The following DLG2 variants were observed in gnomAD, a reference collection of about 807,000 sequenced individuals.
The protein encoded by DLG2 is discs large MAGUK scaffold protein 2, also known as disks large homolog 2.
In DLG2, 45 loss-of-function variants were observed where a neutral mutation model predicts 132.5. That is an observed-to-expected ratio of 0.34 (90% CI 0.27 to 0.44). The LOEUF is 0.44. Ranked by LOEUF, DLG2 falls within the 20% of genes least tolerant of loss-of-function variation. DLG2 has a pLI of 1.00. For missense variants in DLG2, 1,045 were observed against 1,196.9 expected, an observed-to-expected ratio of 0.87 and a Z score of 1.87; for synonymous variants, 424 against 419.6, an observed-to-expected ratio of 1.01 and a Z score of -0.13.
intron 14 of DLG2, among the ~76,000 whole-genome samples, chr11:83,937,205 A>G (rs1209677155): frequency 6.6e-6 from 1 of 152,146 alleles, no homozygotes; most frequent in Non-Finnish European, 1.5e-5. Flanking sequence ...GAGAGATTTG[A>G]CTACATAAAA....
At chr11:83,998,947 G>A (rs1406148110) in intron 11 of DLG2, among the ~76,000 whole-genome samples, 4 of 152,196 alleles carry the variant, frequency 2.6e-5, no homozygotes, top group Non-Finnish European at 5.9e-5. Flanking sequence ...AGCTATTGGG[G>A]ACTGAAGCAT....
intron 6 of DLG2, among the ~76,000 whole-genome samples, chr11:84,750,198 C>T (rs551230744): frequency 7.2e-5 from 11 of 151,986 alleles, no homozygotes; most frequent in African/African-American, 2.2e-4. Context: ...TACATGTGCA[C>T]GATATTCAGG....
intron 15 of DLG2, among the ~76,000 whole-genome samples, chr11:83,921,851 CTT>C (rs34008073): frequency 1.3e-5 from 2 of 151,792 alleles, no homozygotes; most frequent in African/African-American, 4.8e-5. Flanking sequence ...TCACTTTTAA[CTT>C]TTTTTTAAAA....
intron 7 of DLG2, among the ~76,000 whole-genome samples, chr11:84,502,160 T>TCC (rs151187364): frequency 6.5e-4 from 27 of 41,260 alleles, no homozygotes; most frequent in African/African-American, 5.4e-3. Flanking sequence ...CTTCCTTCCT[T>TCC]TCTCTCTCTC....
intron 6 of DLG2, among the ~76,000 whole-genome samples, chr11:84,941,000 A>G (rs1305316768): frequency 1.3e-5 from 2 of 152,056 alleles, no homozygotes; most frequent in Non-Finnish European, 2.9e-5. Context: ...TCCCCAATGT[A>G]TGTTCTTGGT....
intron 15 of DLG2, 122 bp from the exon 16 acceptor site, chr11:83,874,610 A>G: frequency 1.7e-6 from 1 of 584,004 alleles, no homozygotes; most frequent in East Asian, 3.3e-5. Flanking sequence ...ATATGTATAC[A>G]TGTGCCATGT....
chr11:84,963,429 A>G (rs527659507), intron 6 of DLG2, among the ~76,000 whole-genome samples: 9 of 149,918 alleles, frequency 6.0e-5, no homozygotes, highest in African/African-American at 2.2e-4. Context: ...CCATTTGCCC[A>G]CTCTATAGAC....
chr11:83,539,557 T>C (rs1219024812), intron 20 of DLG2, among the ~76,000 whole-genome samples: 2 of 151,962 alleles, frequency 1.3e-5, no homozygotes, highest in Non-Finnish European at 1.5e-5. Flanking sequence ...CTTTTACAAA[T>C]ACTTAAAGGA....
intron 3 of DLG2, among the ~76,000 whole-genome samples, chr11:85,347,587 G>C (rs1036055058): frequency 6.6e-6 from 1 of 151,936 alleles, no homozygotes; most frequent in Non-Finnish European, 1.5e-5. Context: ...GGGTATATAA[G>C]CTTCTGTACT....
rs556183259 is a variant in DLG2 at position 84,784,244 on chromosome 11, C to T, written c.358-249513G>A. The stretch of plus-strand genomic sequence containing the variant: ...AGGCTGAGGCATAATTGCTTGATCC[C>T]GGGTGGTGGAGGTTTCAGTGAGCCG... On this transcript the variant is annotated intron_variant, in intron 6 of 27. Coordinates refer to ENST00000376104, the MANE Select transcript of DLG2 (RefSeq NM_001142699.3). 3.7e-3 allele frequency among the ~76,000 whole-genome samples: 541 copies of T among 147,612 alleles called. 4 individuals are homozygous for T. The highest frequency in any genetic ancestry group is 0.012 in the African/African-American group (494 of 39,804).
intron 6 of DLG2, among the ~76,000 whole-genome samples, chr11:84,772,817 A>G (rs1597766833): frequency 6.6e-6 from 1 of 152,230 alleles, no homozygotes; most frequent in Non-Finnish European, 1.5e-5. Context: ...GAAAGTTTAC[A>G]GTACTAAAGT....
intron 11 of DLG2, among the ~76,000 whole-genome samples, chr11:84,045,400 A>G (rs960778082): frequency 7.2e-5 from 11 of 151,742 alleles, no homozygotes; most frequent in Non-Finnish European, 1.2e-4. Flanking sequence ...CAGTCCAACA[A>G]TATTACATTC....
chr11:85,475,609 C>T (rs542643598), intron 3 of DLG2, among the ~76,000 whole-genome samples: 4 of 152,200 alleles, frequency 2.6e-5, no homozygotes, highest in Non-Finnish European at 4.4e-5. Context: ...AAAGAGAATA[C>T]TATTAGATAA....
chr11:85,194,700 T>C (rs1388475118), intron 4 of DLG2, among the ~76,000 whole-genome samples: 1 of 151,948 alleles, frequency 6.6e-6, no homozygotes, highest in Non-Finnish European at 1.5e-5. Context: ...TAGGGGCTTA[T>C]AATCCTGTCC....
chr11:84,763,639 C>T (rs1046207505), intron 6 of DLG2, among the ~76,000 whole-genome samples: 1 of 152,178 alleles, frequency 6.6e-6, no homozygotes, highest in African/African-American at 2.4e-5. Flanking sequence ...CATGCCACTG[C>T]TCTCTACTTA....
At position 84,417,596 on chromosome 11, in the gene DLG2, A is replaced by G. The variant is rs1434286258; in HGVS notation, c.519+116974T>C. On this transcript the variant is annotated intron_variant, in intron 7 of 27. Transcript: ENST00000376104. ...TCGTCTGAGTCTACAGCCATTTGCTAGGGTGCCACAAACACATACCCAACC... is the reference window on the plus strand; with the variant it reads ...TCGTCTGAGTCTACAGCCATTTGCTGGGGTGCCACAAACACATACCCAACC... Among the ~76,000 whole-genome samples, 4 of 152,254 alleles carry G rather than the reference A, an allele frequency of 2.6e-5. No homozygotes were observed. In the East Asian group the frequency reaches 7.7e-4, roughly 29 times the overall value.
At chr11:85,507,696 C>T (rs2093967103) in intron 3 of DLG2, among the ~76,000 whole-genome samples, 1 of 152,072 alleles carries the variant, frequency 6.6e-6, no homozygotes, top group South Asian at 2.1e-4. Flanking sequence ...TGGAGTTGCT[C>T]TTCTCAAGGA....
chr11:85,302,316 C>T (rs1312827183), intron 3 of DLG2, among the ~76,000 whole-genome samples: 5 of 151,882 alleles, frequency 3.3e-5, no homozygotes, highest in African/African-American at 1.2e-4. Context: ...ACATATTTTA[C>T]TCATTTAAAC....
rs569371331 is a variant in DLG2, at chr11:85,504,160, G to T, written c.40+94497C>A. On this transcript the variant is annotated intron_variant, in intron 3 of 27. Coordinates refer to ENST00000376104, the MANE Select transcript of DLG2 (RefSeq NM_001142699.3). Reference sequence around the variant, plus strand: ...GCAAAAATTTTCTCCCATTCTGTAGGTTGCCTGTTCACTCTGATGGTAGTT... The same window carrying T: ...GCAAAAATTTTCTCCCATTCTGTAGTTTGCCTGTTCACTCTGATGGTAGTT... Among the ~76,000 whole-genome samples the T allele has an allele frequency of 5.9e-3, 903 of 152,218 alleles. 2 individuals carry two copies. Among genetic ancestry groups the T allele is most frequent in the Admixed American group, 8.8e-3 (135 of 15,272 alleles).
Sources: gnomAD v4.1 joint callset for allele counts (sites outside exome capture counted in the v4.1 genomes callset) on GRCh38, gnomAD v4.1.1 for gene constraint, MANE v1.5 for transcripts, NCBI Gene and HGNC (gene_info 2026-07-23, HGNC 2026-07-21) for gene names.